ASIC2: variants seen among roughly 807,000 people sequenced by gnomAD.
ASIC2 encodes the protein acid-sensing ion channel 2.
A neutral mutation model predicts 57.3 loss-of-function variants in ASIC2; 25 were observed. The observed-to-expected ratio is 0.44, with a 90% confidence interval of 0.32 to 0.61. ASIC2 has a LOEUF of 0.61. ASIC2 is among the 20% of genes least tolerant of loss of function. The probability of loss-of-function intolerance (pLI) is 0.06; values close to 1 mark genes in which losing one functional copy is unlikely to be tolerated. For missense variants in ASIC2, 641 were observed against 738.1 expected (o/e 0.87, Z 1.52); for synonymous variants, 319 against 307.5 (o/e 1.04, Z -0.39).
chr17:33,175,614 G>T (rs554861006), intron 1 of ASIC2, among the ~76,000 whole-genome samples: 6 of 152,084 alleles, frequency 3.9e-5, no homozygotes, highest in Non-Finnish European at 8.8e-5. Context: ...TTACAGCGAT[G>T]AACCTCTCTA....
At chr17:34,086,928 T>C (rs1910132879) in intron 1 of ASIC2, among the ~76,000 whole-genome samples, 1 of 152,190 alleles carries the variant, frequency 6.6e-6, no homozygotes, top group Admixed American at 6.5e-5. Flanking sequence ...TGAGCCTATG[T>C]GTGTCTCTGC....
chr17:34,119,525 C>T (rs1240861606), intron 1 of ASIC2, among the ~76,000 whole-genome samples: 1 of 152,068 alleles, frequency 6.6e-6, no homozygotes, highest in African/African-American at 2.4e-5. Context: ...GCCTCCACAA[C>T]CCCATCTCCT....
chr17:33,245,342 G>C (rs1159132595), intron 1 of ASIC2, among the ~76,000 whole-genome samples: 1 of 152,150 alleles, frequency 6.6e-6, no homozygotes, highest in East Asian at 1.9e-4. Context: ...AAAGGGGCTG[G>C]AATTTCAGCT....
At chr17:33,054,032 T>C (rs1646400408) in intron 3 of ASIC2, among the ~76,000 whole-genome samples, 1 of 152,118 alleles carries the variant, frequency 6.6e-6, no homozygotes, top group East Asian at 1.9e-4. Context: ...TTTGCTCTCC[T>C]GTATCCCTGC....
chr17:33,603,195 C>T (rs1905149844), intron 1 of ASIC2, among the ~76,000 whole-genome samples: 1 of 152,204 alleles, frequency 6.6e-6, no homozygotes, highest in Non-Finnish European at 1.5e-5. Flanking sequence ...ATCCACAGAG[C>T]CCCCGTTTAG....
At chr17:33,266,472 A>G (rs1909462641) in intron 1 of ASIC2, among the ~76,000 whole-genome samples, 2 of 152,162 alleles carry the variant, frequency 1.3e-5, no homozygotes, top group South Asian at 4.1e-4. Flanking sequence ...CTGCCCCTGC[A>G]TTTAGTTTAA....
At chr17:33,991,942 A>G (rs1335996679) in intron 1 of ASIC2, among the ~76,000 whole-genome samples, 1 of 152,140 alleles carries the variant, frequency 6.6e-6, no homozygotes, top group Non-Finnish European at 1.5e-5. Flanking sequence ...TCATATTAGT[A>G]TATTAATAAA....
intron 1 of ASIC2, among the ~76,000 whole-genome samples, chr17:33,982,295 C>T (rs1035136039): frequency 6.6e-6 from 1 of 152,198 alleles, no homozygotes; most frequent in East Asian, 1.9e-4. Context: ...GGCGATCACC[C>T]TGCAATTAAC....
intron 1 of ASIC2, among the ~76,000 whole-genome samples, chr17:33,425,995 C>A (rs1051715844): frequency 6.6e-6 from 1 of 152,156 alleles, no homozygotes; most frequent in Admixed American, 6.5e-5. Context: ...CTAGTAAGGG[C>A]AAGGGCTTTG....
chr17:33,839,034 C>T (rs2141906551), intron 1 of ASIC2, among the ~76,000 whole-genome samples: 1 of 152,302 alleles, frequency 6.6e-6, no homozygotes, highest in South Asian at 2.1e-4. Flanking sequence ...GCTGCTAGTG[C>T]ATGCACCACA....
chr17:34,018,373 A>G (rs1907041048), intron 1 of ASIC2, among the ~76,000 whole-genome samples: 1 of 152,246 alleles, frequency 6.6e-6, no homozygotes, highest in Non-Finnish European at 1.5e-5. Context: ...CTGGTGACCC[A>G]AGAGTTCTGA....
chr17:33,683,266 C>T (rs1353823555), intron 1 of ASIC2, among the ~76,000 whole-genome samples: 1 of 152,212 alleles, frequency 6.6e-6, no homozygotes, highest in Non-Finnish European at 1.5e-5. Flanking sequence ...TGGGGTTTCA[C>T]CATGTTAACT....
At chr17:33,340,419 T>C (rs940060861) in intron 1 of ASIC2, among the ~76,000 whole-genome samples, 2 of 152,198 alleles carry the variant, frequency 1.3e-5, no homozygotes, top group Non-Finnish European at 2.9e-5. Context: ...CTACCATAAA[T>C]GTTGGATACT....
intron 1 of ASIC2, among the ~76,000 whole-genome samples, chr17:33,197,450 T>C (rs555322147): frequency 6.6e-6 from 1 of 152,342 alleles, no homozygotes; most frequent in South Asian, 2.1e-4. Flanking sequence ...CAAGAGGACA[T>C]GTCCACCAGG....
chr17:33,336,774 A>G (rs528865700), intron 1 of ASIC2, among the ~76,000 whole-genome samples: 3 of 152,252 alleles, frequency 2.0e-5, no homozygotes, highest in Admixed American at 2.0e-4. Flanking sequence ...GACTGATTCT[A>G]CAAAACCCGG....
chr17:33,367,819 C>T (rs567721252), intron 1 of ASIC2, among the ~76,000 whole-genome samples: 22 of 152,170 alleles, frequency 1.4e-4, no homozygotes, highest in African/African-American at 2.2e-4. Context: ...TCCATTATAA[C>T]GAGGCCCCTG....
chr17:33,191,955 C>A (rs9674667), intron 1 of ASIC2, among the ~76,000 whole-genome samples: 1 of 151,956 alleles, frequency 6.6e-6, no homozygotes, highest in Non-Finnish European at 1.5e-5. Flanking sequence ...TTGGATGTTG[C>A]AGAATTTAAC....
chr17:33,951,577 T>G (rs1379944836), intron 1 of ASIC2, among the ~76,000 whole-genome samples: 1 of 151,592 alleles, frequency 6.6e-6, no homozygotes, highest in African/African-American at 2.4e-5. Flanking sequence ...CTTTTCTTTT[T>G]TCTTTTCTTT....
At chr17:33,345,492 G>A (rs1328827832) in intron 1 of ASIC2, among the ~76,000 whole-genome samples, 2 of 152,178 alleles carry the variant, frequency 1.3e-5, no homozygotes, top group South Asian at 4.1e-4. Flanking sequence ...ACAATATGGA[G>A]CAGAGATTTA....
Sources: allele counts gnomAD v4.1 joint callset (sites outside exome capture counted in the v4.1 genomes callset), GRCh38; gene constraint gnomAD v4.1.1; transcripts MANE v1.5; gene names NCBI Gene and HGNC (gene_info 2026-07-23, HGNC 2026-07-21).